PARD3B: variants seen among roughly 807,000 people sequenced by gnomAD.
PARD3B encodes the protein par-3 family cell polarity regulator beta, also known as partitioning defective 3 homolog B.
PARD3B carries 103 observed loss-of-function variants against 130.2 expected under a neutral mutation model. The observed-to-expected ratio is 0.79, with a 90% CI of 0.67 to 0.93. PARD3B has a LOEUF of 0.93. Among genes scored for constraint, PARD3B ranks in the 40% least tolerant of loss-of-function variants. The pLI is 0.00. For synonymous variants in PARD3B, 583 were observed against 553.2 expected, an observed-to-expected ratio of 1.05 and a Z score of -0.76; for missense variants, 1,609 against 1,499.2, an observed-to-expected ratio of 1.07 and a Z score of -1.21.
intron 15 of PARD3B, among the ~76,000 whole-genome samples, chr2:205,205,951 C>G (rs1234898288): frequency 6.6e-6 from 1 of 152,278 alleles, no homozygotes; most frequent in African/African-American, 2.4e-5. Context: ...CAGGATGATG[C>G]TGGCCTCATA....
chr2:205,389,012 C>T (rs116538138), intron 18 of PARD3B, among the ~76,000 whole-genome samples: 2,591 of 152,254 alleles, frequency 0.017, 76 homozygotes, highest in African/African-American at 0.058. Flanking sequence ...TTTTAAGAAA[C>T]GAATGGAGAT....
At chr2:205,376,235 G>A (rs1301478427) in intron 18 of PARD3B, among the ~76,000 whole-genome samples, 1 of 152,118 alleles carries the variant, frequency 6.6e-6, no homozygotes, top group Non-Finnish European at 1.5e-5. Flanking sequence ...TAGATAATAA[G>A]AAACAGCTGG....
intron 2 of PARD3B, among the ~76,000 whole-genome samples, chr2:204,771,473 G>A (rs1345324939): frequency 6.6e-6 from 1 of 152,032 alleles, no homozygotes; most frequent in Non-Finnish European, 1.5e-5. Flanking sequence ...TAAAATTGCT[G>A]TGTTTTATGG....
intron 1 of PARD3B, among the ~76,000 whole-genome samples, chr2:204,552,632 T>A (rs2030544042): frequency 6.6e-6 from 1 of 152,176 alleles, no homozygotes. Flanking sequence ...TAGTTTCAGG[T>A]CTTAGATTTA....
At chr2:204,908,850 C>G (rs1046756424) in intron 2 of PARD3B, among the ~76,000 whole-genome samples, 1 of 152,150 alleles carries the variant, frequency 6.6e-6, no homozygotes, top group South Asian at 2.1e-4. Flanking sequence ...TGTTAGATTA[C>G]TTGACCAAGG....
chr2:205,104,365 T>C (rs945122334), intron 4 of PARD3B, 61 bp from the exon 5 acceptor site: 3 of 1,221,298 alleles, frequency 2.5e-6, no homozygotes, highest in Non-Finnish European at 3.6e-6. Context: ...TGGGATATTT[T>C]ATTCAGATTT....
intron 1 of PARD3B, among the ~76,000 whole-genome samples, chr2:204,651,518 G>A (rs942684068): frequency 6.6e-6 from 1 of 152,262 alleles, no homozygotes; most frequent in South Asian, 2.1e-4. Context: ...GGCTCTGCAG[G>A]ATACAGCCCC....
intron 1 of PARD3B, 26 bp downstream of exon 1, chr2:204,546,145 C>T (rs1209728870): frequency 4.5e-6 from 7 of 1,549,912 alleles, no homozygotes; most frequent in African/African-American, 1.4e-5. Context: ...AGGAGTGGGG[C>T]GCGGCTGCAG....
chr2:205,148,222 C>T (rs1357786025), intron 10 of PARD3B, among the ~76,000 whole-genome samples: 1 of 152,038 alleles, frequency 6.6e-6, no homozygotes, highest in African/African-American at 2.4e-5. Context: ...AGATCATCTA[C>T]ATACTTGTAA....
At position 205,321,926 on chromosome 2, in the gene PARD3B, A is replaced by G. The variant is rs1337456788; in HGVS notation, c.2630+20225A>G. ...TCCTTGTGATAAAGCGTCGGTAACC[A>G]TTAAATTTGGTGCAGAGTGCTTGAA... On this transcript the variant is annotated intron_variant, in intron 18 of 22. Coordinates refer to ENST00000406610, the MANE Select transcript of PARD3B (RefSeq NM_001302769.2). The surrounding 1 kb of genome is among the most constrained non-coding windows in gnomAD (Gnocchi z 4.2). Among the ~76,000 whole-genome samples, 1 of 152,216 alleles carries G rather than the reference A, an allele frequency of 6.6e-6. No homozygotes were observed. Among genetic ancestry groups the G allele is most frequent in the East Asian group, 1.9e-4 (1 of 5,204 alleles).
In PARD3B at chr2:205,036,744, T is replaced by G. The variant is rs973745940; in HGVS notation, c.395-10837T>G. Reference sequence around the variant, plus strand: ...CACAGCGGACTGTATGTACAAAAAATATATATACACAGCGGACTGTATGTA... The same window carrying G: ...CACAGCGGACTGTATGTACAAAAAAGATATATACACAGCGGACTGTATGTA... On this transcript the variant is annotated intron_variant, in intron 3 of 22. Coordinates refer to ENST00000406610, the MANE Select transcript of PARD3B (RefSeq NM_001302769.2). 5.4e-5 allele frequency among the ~76,000 whole-genome samples: 8 copies of G among 147,054 alleles called. No homozygotes were observed. The East Asian group carries it at 1.6e-3, about 30-fold the overall frequency.
rs764122335 is a variant in PARD3B, at chr2:205,124,336, G to C, written c.1175G>C (p.Gly392Ala). ...IKIDLKKGPE[G>A]LGFTVVTRDS... ...TGTTCTTATACACTAGGCCCTGAAGGACTTGGTTTCACTGTGGTTACCAGA... is the reference window on the plus strand; with the variant it reads ...TGTTCTTATACACTAGGCCCTGAAGCACTTGGTTTCACTGTGGTTACCAGA... The change falls in exon 9 of 23, where the codon GGA becomes GCA. Residue 392 changes from glycine to alanine, a missense_variant. Coordinates refer to ENST00000406610, the MANE Select transcript of PARD3B (RefSeq NM_001302769.2). 3.8e-6 allele frequency: 6 copies of C among 1,570,242 alleles called. No homozygotes were observed. The highest frequency in any genetic ancestry group is 5.2e-6 in the Non-Finnish European group (6 of 1,157,290).
intron 21 of PARD3B, among the ~76,000 whole-genome samples, chr2:205,521,357 A>G (rs2106398850): frequency 6.6e-6 from 1 of 151,982 alleles, no homozygotes; most frequent in Non-Finnish European, 1.5e-5. Context: ...TAACTTGTTA[A>G]AGTTCTTGAT....
chr2:205,168,675 T>C (rs1344025), intron 11 of PARD3B, among the ~76,000 whole-genome samples: 1,758 of 151,074 alleles, frequency 0.012, 20 homozygotes, highest in Non-Finnish European at 0.014. Context: ...TTTTTTTTTT[T>C]CCCTCCTCTG....
At chr2:205,190,367 C>A (rs2036329054) in intron 14 of PARD3B, among the ~76,000 whole-genome samples, 1 of 152,224 alleles carries the variant, frequency 6.6e-6, no homozygotes, top group Non-Finnish European at 1.5e-5. Flanking sequence ...GAGGGTCCTA[C>A]ACCTCCTCCC....
rs1338372424 is a variant in PARD3B at position 205,564,363 on chromosome 2, C to G, written c.3260+10960C>G. Among the ~76,000 whole-genome samples the G allele has an allele frequency of 6.6e-6, 1 of 152,200 alleles. No individual in the cohort carries two copies. The highest frequency in any genetic ancestry group is 6.5e-5 in the Admixed American group (1 of 15,278). On this transcript the variant is annotated intron_variant, in intron 22 of 22. Transcript: ENST00000406610. The surrounding 1 kb of genome is among the most constrained non-coding windows in gnomAD (Gnocchi z 4.6). ...AGGCTTTCAGAATGACTAAGAACAG[C>G]AACCACTGAATCACAGAACTCCTCT...
chr2:205,470,919 G>A lies in PARD3B; in HGVS notation c.3045-28977G>A, dbSNP rs192801513. On this transcript the variant is annotated intron_variant, in intron 20 of 22. Transcript: ENST00000406610. The surrounding 1 kb of genome is among the most constrained non-coding windows in gnomAD (Gnocchi z 4.8). ...CAAAGTGTGTTTTCAAGTGTTTCAC[G>A]TGTGTTTCAAGTTTAAAACAAAGTG... Among the ~76,000 whole-genome samples, 13 of 152,316 alleles carry A rather than the reference G, an allele frequency of 8.5e-5. No homozygotes were observed. Among genetic ancestry groups the A allele is most frequent in the East Asian group, 7.7e-4 (4 of 5,186 alleles).
rs1475367856 is a variant in PARD3B, at chr2:204,606,231, G to A, written c.120+60112G>A. 1.3e-5 allele frequency among the ~76,000 whole-genome samples: 2 copies of A among 152,156 alleles called. No individual in the cohort carries two copies. Among genetic ancestry groups the A allele is most frequent in the Non-Finnish European group, 2.9e-5 (2 of 68,020 alleles). ...GCATAGTGCAGCGCCTTATGTATTGGTGTTTAAAATCAGTTGTGTTGAGGG... is the reference window on the plus strand; with the variant it reads ...GCATAGTGCAGCGCCTTATGTATTGATGTTTAAAATCAGTTGTGTTGAGGG... On this transcript the variant is annotated intron_variant, in intron 1 of 22. Transcript: ENST00000406610. The surrounding 1 kb of genome is among the most constrained non-coding windows in gnomAD (Gnocchi z 4.0).
chr2:204,859,659 T>TA (rs2045104516), intron 2 of PARD3B, among the ~76,000 whole-genome samples: 1 of 152,194 alleles, frequency 6.6e-6, no homozygotes, highest in Admixed American at 6.5e-5. Context: ...CATGTCATCG[T>TA]AGTTGAGTTA....
Sources: allele counts gnomAD v4.1 joint callset (sites outside exome capture counted in the v4.1 genomes callset), GRCh38; gene constraint gnomAD v4.1.1; non-coding constraint Gnocchi (gnomAD v3.1); transcripts MANE v1.5; gene names NCBI Gene and HGNC (gene_info 2026-07-23, HGNC 2026-07-21).